Variants in EZH1 observed in about 807,000 individuals in gnomAD.
The protein encoded by EZH1 is histone-lysine N-methyltransferase EZH1.
EZH1 carries 33 observed loss-of-function variants against 100.5 expected under a neutral mutation model. The observed-to-expected ratio is 0.33, with a 90% confidence interval of 0.25 to 0.44. EZH1 has a LOEUF of 0.44. EZH1 is among the 20% of genes least tolerant of loss of function. The probability of loss-of-function intolerance (pLI) is 1.00; values close to 1 mark genes in which losing one functional copy is unlikely to be tolerated. For missense variants in EZH1, 475 were observed against 928.4 expected (o/e 0.51, Z 6.35); for synonymous variants, 272 against 313.8 (o/e 0.87, Z 1.41).
intron 4 of EZH1, chr17:42,724,677 T>C (rs929898066): frequency 9.6e-6 from 3 of 312,852 alleles, no homozygotes; most frequent in African/African-American, 4.2e-5. Context: ...TCCCAGCTAC[T>C]TGGGAGACTG....
chr17:42,707,942 A>C lies in EZH1; in HGVS notation c.1660+16T>G, dbSNP rs1208410687. Reference sequence around the variant, plus strand: ...AACTGTTTTGGTAGACTATACAGAAAACGTAGCACACTTACAGTCTGGGTT... The same window carrying C: ...AACTGTTTTGGTAGACTATACAGAACACGTAGCACACTTACAGTCTGGGTT... On this transcript the variant is annotated intron_variant, in intron 15 of 20. Coordinates refer to ENST00000428826, the MANE Select transcript of EZH1 (RefSeq NM_001991.5). The C allele has an allele frequency of 1.9e-6, 3 of 1,613,480 alleles. No homozygotes were observed. In the East Asian group the frequency reaches 6.7e-5, roughly 36 times the overall value.
intron 1 of EZH1, among the ~76,000 whole-genome samples, chr17:42,737,008 CAG>C (rs2054078091): frequency 6.8e-6 from 1 of 147,714 alleles, no homozygotes; most frequent in Non-Finnish European, 1.5e-5. Context: ...TTTTTTGAGA[CAG>C]AGTCTCGCTC....
chr17:42,729,130 G>A (rs893476720), intron 2 of EZH1, 178 bp from the exon 3 acceptor site: 6 of 585,920 alleles, frequency 1.0e-5, no homozygotes, highest in African/African-American at 9.7e-5. Context: ...TTAAAAAAAA[G>A]AGGCAGGGGC....
intron 4 of EZH1, chr17:42,724,764 ACTCTGT>A (rs1335859171): frequency 1.2e-5 from 2 of 170,014 alleles, no homozygotes; most frequent in Admixed American, 1.2e-4. Flanking sequence ...ACAGAGCGAG[ACTCTGT>A]CTCAAGAAAA....
chr17:42,731,906 A>G (rs560909498), intron 1 of EZH1: 1 of 152,360 alleles, frequency 6.6e-6, no homozygotes, highest in African/African-American at 2.4e-5. Flanking sequence ...GCCTCAAAAC[A>G]AAACAAAACA....
At chr17:42,720,761 G>A (rs1292229444) in intron 6 of EZH1, among the ~76,000 whole-genome samples, 3 of 152,172 alleles carry the variant, frequency 2.0e-5, no homozygotes, top group Non-Finnish European at 4.4e-5. Flanking sequence ...CCAGGTTCAA[G>A]TGATTCTCCT....
rs765983574 is a variant in EZH1, at chr17:42,706,094, G to A, written c.1752C>T (p.Asp584=). 6.2e-7 allele frequency: 1 copy of A among 1,614,096 alleles called. No individual in the cohort carries two copies. The highest frequency in any genetic ancestry group is 8.5e-7 in the Non-Finnish European group (1 of 1,180,006). The change falls in exon 16 of 21, where the codon GAC becomes GAT. Residue 584 remains aspartate (D), a synonymous_variant. Coordinates refer to ENST00000428826, the MANE Select transcript of EZH1 (RefSeq NM_001991.5). The surrounding 1 kb of genome is among the most constrained non-coding windows in gnomAD (Gnocchi z 4.4). ...CTGAGGCCCCACAGGTGAGACACAGGTCAGGGTCACATTCTCGCACTGCCA... is the reference window on the plus strand; with the variant it reads ...CTGAGGCCCCACAGGTGAGACACAGATCAGGGTCACATTCTCGCACTGCCA... ...CYLAVRECDP[D]LCLTCGASEH...
At position 42,712,269 on chromosome 17, in the gene EZH1, C is replaced by A. The variant is rs757435275; in HGVS notation, c.1401+20G>T. The A allele has an allele frequency of 1.5e-5, 24 of 1,610,462 alleles. No homozygotes were observed. In the Admixed American group the frequency reaches 3.2e-4, roughly 21 times the overall value. ...GCGTGAAAGGAGGGGCCCATTTGTT[C>A]TGCTGCTTCCAGATGGTACCTGCTT... On this transcript the variant is annotated intron_variant, in intron 12 of 20. Transcript: ENST00000428826.
At chr17:42,714,902 ATATAT>A (rs952280131) in intron 10 of EZH1, among the ~76,000 whole-genome samples, 8 of 139,070 alleles carry the variant, frequency 5.8e-5, no homozygotes, top group Admixed American at 1.6e-4. Flanking sequence ...TAATATGGAA[ATATAT>A]TATATAATTA....
At chr17:42,733,640 CAA>C (rs1283971078) in intron 1 of EZH1, among the ~76,000 whole-genome samples, 12 of 48,266 alleles carry the variant, frequency 2.5e-4, no homozygotes, top group Admixed American at 4.8e-4. Flanking sequence ...GACTCCATCT[CAA>C]AAAAAAAAAA....
chr17:42,744,153 C>CG (rs1468331820), intron 1 of EZH1, among the ~76,000 whole-genome samples: 1 of 152,090 alleles, frequency 6.6e-6, no homozygotes, highest in Non-Finnish European at 1.5e-5. Flanking sequence ...TCACATTCCA[C>CG]GGGGGGCACT....
intron 4 of EZH1, 112 bp downstream of exon 4, chr17:42,727,523 G>GT (rs2053844286): frequency 7.7e-7 from 1 of 1,301,712 alleles, no homozygotes; most frequent in Non-Finnish European, 1.0e-6. Flanking sequence ...GAATACTTGT[G>GT]TGAGCCACCA....
At chr17:42,707,271 T>C (rs2053376074) in intron 15 of EZH1, among the ~76,000 whole-genome samples, 1 of 152,104 alleles carries the variant, frequency 6.6e-6, no homozygotes, top group Non-Finnish European at 1.5e-5. Context: ...CACATTTCTT[T>C]TCTTTTTGAG....
chr17:42,703,686 C>T, intron 19 of EZH1, 54 bp downstream of exon 19: 1 of 1,243,882 alleles, frequency 8.0e-7, no homozygotes, highest in East Asian at 2.3e-5. Flanking sequence ...GAATGGAAAT[C>T]ACAGTAAAGA....
intron 10 of EZH1, among the ~76,000 whole-genome samples, chr17:42,716,728 T>G (rs147709080): frequency 1.1e-4 from 16 of 152,172 alleles, no homozygotes; most frequent in Admixed American, 7.2e-4. Flanking sequence ...AGATGGAGTC[T>G]CACTATCTCA....
At chr17:42,716,800 G>A (rs1187632449) in intron 10 of EZH1, among the ~76,000 whole-genome samples, 2 of 152,080 alleles carry the variant, frequency 1.3e-5, no homozygotes. Context: ...CTGGGTTCAA[G>A]CAATTCTCCT....
Position 42,702,232 on chromosome 17 carries a change from C to T in EZH1, c.*300G>A, listed in dbSNP as rs747999188. On this transcript the variant is annotated 3_prime_UTR_variant, in exon 21 of 21. Coordinates refer to ENST00000428826, the MANE Select transcript of EZH1 (RefSeq NM_001991.5). ...GAGGCCACAGCCTGGGGAGCCGACACGAAATCACGCATAAGTCATCCACCC... is the reference window on the plus strand; with the variant it reads ...GAGGCCACAGCCTGGGGAGCCGACATGAAATCACGCATAAGTCATCCACCC... 12 of 325,832 alleles carry T rather than the reference C, an allele frequency of 3.7e-5. No individual in the cohort carries two copies. The highest frequency in any genetic ancestry group is 1.0e-4 in the African/African-American group (5 of 47,738). 20.2% of individuals were successfully genotyped at this position (325,832 alleles called of 1,614,324 possible).
chr17:42,728,709 T>C (rs2053874610), intron 3 of EZH1, 116 bp downstream of exon 3: 1 of 1,110,754 alleles, frequency 9.0e-7, no homozygotes, highest in African/African-American at 1.7e-5. Context: ...GCCACTGCAC[T>C]CCAACCTGGG....
chr17:42,710,346 G>A (rs1166712334), intron 12 of EZH1, among the ~76,000 whole-genome samples: 1 of 152,180 alleles, frequency 6.6e-6, no homozygotes, highest in Non-Finnish European at 1.5e-5. Context: ...CTAAATATTA[G>A]CTCCCTCTGT....
Sources: gnomAD v4.1 joint callset for allele counts (sites outside exome capture counted in the v4.1 genomes callset) on GRCh38, gnomAD v4.1.1 for gene constraint, Gnocchi (gnomAD v3.1) non-coding constraint, MANE v1.5 for transcripts, NCBI Gene and HGNC (gene_info 2026-07-23, HGNC 2026-07-21) for gene names.